XPO4: variants seen among roughly 807,000 people sequenced by gnomAD.
XPO4 encodes exportin-4.
In XPO4, 39 loss-of-function variants were observed where a neutral mutation model predicts 143.0. The observed-to-expected ratio is 0.27, with a 90% CI of 0.21 to 0.36. The LOEUF (loss-of-function observed/expected upper bound fraction) is 0.36, where lower values mean the gene tolerates loss of function less well. Ranked by LOEUF, XPO4 falls within the 10% of genes least tolerant of loss-of-function variation. The pLI is 1.00. For missense variants in XPO4, 907 were observed against 1,348.0 expected, an observed-to-expected ratio of 0.67 and a Z score of 5.12; for synonymous variants, 439 against 474.0, an observed-to-expected ratio of 0.93 and a Z score of 0.96.
intron 9 of XPO4, among the ~76,000 whole-genome samples, chr13:20,811,568 G>C (rs577451871): frequency 6.6e-6 from 1 of 152,140 alleles, no homozygotes; most frequent in South Asian, 2.1e-4. Context: ...GATTACAGGT[G>C]TAACCCACTG....
rs867907773 is a variant in XPO4 at position 20,876,548 on chromosome 13, T to C, written c.70-7847A>G. On this transcript the variant is annotated intron_variant, in intron 1 of 22. Coordinates refer to ENST00000255305, the MANE Select transcript of XPO4 (RefSeq NM_022459.5). ...ACATAATAATAAATTCCAGGTGAAC[T>C]TAAGATTTAAAAATGAAAAGCAAAA... 4.6e-5 allele frequency among the ~76,000 whole-genome samples: 7 copies of C among 152,088 alleles called. 1 individual carries two copies. Among genetic ancestry groups the C allele is most frequent in the Middle Eastern group, 6.3e-3 (2 of 316 alleles).
At chr13:20,816,510 T>C (rs1180709146) in intron 9 of XPO4, among the ~76,000 whole-genome samples, 1 of 152,248 alleles carries the variant, frequency 6.6e-6, no homozygotes, top group Non-Finnish European at 1.5e-5. Flanking sequence ...GCTGACAGTA[T>C]TCCTGGTTTC....
intron 1 of XPO4, among the ~76,000 whole-genome samples, chr13:20,871,203 C>T (rs970273940): frequency 7.2e-5 from 11 of 151,764 alleles, no homozygotes; most frequent in Non-Finnish European, 7.4e-5. Context: ...TTTCCTGAGA[C>T]GGAATCTCAC....
chr13:20,804,983 C>T (rs1193267254), intron 13 of XPO4, among the ~76,000 whole-genome samples: 20 of 150,178 alleles, frequency 1.3e-4, no homozygotes. Flanking sequence ...CTTGCTGTGT[C>T]GCCCAGACTA....
chr13:20,879,593 A>C (rs903297057), intron 1 of XPO4, among the ~76,000 whole-genome samples: 9 of 152,236 alleles, frequency 5.9e-5, no homozygotes, highest in African/African-American at 1.7e-4. Flanking sequence ...ACACACGAGG[A>C]AATAAGCCAC....
At chr13:20,898,373 T>C (rs1030641918) in intron 1 of XPO4, among the ~76,000 whole-genome samples, 2 of 152,128 alleles carry the variant, frequency 1.3e-5, no homozygotes, top group Non-Finnish European at 2.9e-5. Context: ...AAGACTAGCC[T>C]GGCCAACGTG....
intron 6 of XPO4, among the ~76,000 whole-genome samples, chr13:20,828,999 T>C (rs2059820562): frequency 6.6e-6 from 1 of 152,246 alleles, no homozygotes; most frequent in Non-Finnish European, 1.5e-5. Context: ...GGGTATTCTC[T>C]CCACTATTGT....
chr13:20,860,965 G>A (rs1205850658), intron 3 of XPO4, among the ~76,000 whole-genome samples: 1 of 151,526 alleles, frequency 6.6e-6, no homozygotes, highest in Non-Finnish European at 1.5e-5. Flanking sequence ...AGTTAACAAA[G>A]TGCTAAAGTC....
chr13:20,868,421 G>A lies in XPO4; in HGVS notation c.175+175C>T, dbSNP rs369157639. 6.9e-5 allele frequency: 71 copies of A among 1,033,050 alleles called. 1 individual carries two copies. In the African/African-American group the frequency reaches 7.3e-4, roughly 11 times the overall value. 64.0% of individuals were successfully genotyped at this position (1,033,050 alleles called of 1,614,324 possible). ...ATCCAAAGTAAAAACAAAGTTTCCC[G>A]TCTGGCTTTACAGAATATCTTTAAA... On this transcript the variant is annotated intron_variant, in intron 2 of 22. Coordinates refer to ENST00000255305, the MANE Select transcript of XPO4 (RefSeq NM_022459.5).
At chr13:20,866,599 T>G (rs746175336) in intron 2 of XPO4, among the ~76,000 whole-genome samples, 1 of 152,188 alleles carries the variant, frequency 6.6e-6, no homozygotes, top group Non-Finnish European at 1.5e-5. Context: ...ATGTAAACAT[T>G]AATGTAACAC....
rs1404379851 is a variant in XPO4 at position 20,799,337 on chromosome 13, G to T, written c.2150C>A (p.Ala717Glu). ...LVTLVERRER[A>E]NLVIQCENWW... The stretch of plus-strand genomic sequence containing the variant: ...GTTCTCACATTGAATTACTAAGTTT[G>T]CCCTACAGGTAGAAATAACAAAACA... Residue 717 changes from alanine (A) to glutamate (E), a missense_variant and splice_region_variant, in exon 16 of 23, where the codon GCA becomes GAA. Coordinates refer to ENST00000255305, the MANE Select transcript of XPO4 (RefSeq NM_022459.5). 1.9e-6 allele frequency: 3 copies of T among 1,612,142 alleles called. No homozygotes were observed. Among genetic ancestry groups the T allele is most frequent in the Non-Finnish European group, 2.5e-6 (3 of 1,178,696 alleles).
At chr13:20,788,423 T>G in intron 20 of XPO4, 63 bp downstream of exon 20, 1 of 1,556,114 alleles carries the variant, frequency 6.4e-7, no homozygotes, top group African/African-American at 1.4e-5. Context: ...TAAAAAACTT[T>G]TCTTTAAAGG....
intron 20 of XPO4, 39 bp from the exon 21 acceptor site, chr13:20,787,637 A>G (rs775375238): frequency 6.4e-7 from 1 of 1,550,850 alleles, no homozygotes; most frequent in South Asian, 1.1e-5. Flanking sequence ...GATTGGATAT[A>G]TTCGATTTAT....
Position 20,823,573 on chromosome 13 carries a change from T to G in XPO4, c.841-1284A>C, listed in dbSNP as rs562823160. Among the ~76,000 whole-genome samples the G allele has an allele frequency of 7.5e-3, 1,119 of 149,948 alleles. 8 individuals are homozygous for G. The highest frequency in any genetic ancestry group is 0.012 in the Non-Finnish European group (797 of 66,894). On this transcript the variant is annotated intron_variant, in intron 7 of 22. Transcript: ENST00000255305. ...CTGTGAGCTAAGAATGGTTGTGTTT[T>G]TTTCTTTTTTCCATTTTTGTATGGT...
At chr13:20,881,987 G>A (rs1023784217) in intron 1 of XPO4, among the ~76,000 whole-genome samples, 3 of 151,658 alleles carry the variant, frequency 2.0e-5, no homozygotes, top group South Asian at 2.1e-4. Context: ...GTGTATGCCC[G>A]TAGTCCTCGC....
chr13:20,853,416 G>C (rs1421853650), intron 4 of XPO4, among the ~76,000 whole-genome samples: 1 of 151,578 alleles, frequency 6.6e-6, no homozygotes, highest in Non-Finnish European at 1.5e-5. Flanking sequence ...GCTGAGGTGG[G>C]AGGTGGGAGG....
chr13:20,876,873 T>C (rs1169927841), intron 1 of XPO4, among the ~76,000 whole-genome samples: 4 of 152,108 alleles, frequency 2.6e-5, no homozygotes, highest in African/African-American at 9.7e-5. Flanking sequence ...GAACAAAACT[T>C]CCACATCGTG....
rs2059621617 is a variant in XPO4, at chr13:20,814,302, ATAACTAAAAAGT to A, written c.1174-4347_1174-4336del. Among the ~76,000 whole-genome samples, 3 of 121,158 alleles carry A rather than the reference ATAACTAAAAAGT, an allele frequency of 2.5e-5. No individual in the cohort carries two copies. The Admixed American group carries it at 2.9e-4, about 12-fold the overall frequency. 79.5% of individuals were successfully genotyped at this position (121,158 alleles called of 152,430 possible). A position where few individuals can be genotyped will look rare whatever the true frequency, so the allele number is the denominator to read the frequency against. ...TTTAATTATTCATATACATAAAAGT[ATAACTAAAAAGT>A]AAAAGTCTTATATGCCTTTCTATTA... On this transcript the variant is annotated intron_variant, in intron 9 of 22. Transcript: ENST00000255305.
intron 19 of XPO4, among the ~76,000 whole-genome samples, chr13:20,789,997 TCA>T (rs1448738514): frequency 6.6e-6 from 1 of 152,172 alleles, no homozygotes; most frequent in Non-Finnish European, 1.5e-5. Flanking sequence ...TAAAACAGCA[TCA>T]GTCTTGGAAG....
Sources: gnomAD v4.1 joint callset for allele counts (sites outside exome capture counted in the v4.1 genomes callset) on GRCh38, gnomAD v4.1.1 for gene constraint, MANE v1.5 for transcripts, NCBI Gene and HGNC (gene_info 2026-07-23, HGNC 2026-07-21) for gene names.